Variants in IFI44 observed in about 807,000 individuals in gnomAD.
The protein encoded by IFI44 is interferon-induced protein 44.
In IFI44, 42 loss-of-function variants were observed where a neutral mutation model predicts 45.0. The observed-to-expected ratio is 0.93, with a 90% CI of 0.73 to 1.21. The LOEUF is 1.21. IFI44 is among the 50% of genes most tolerant of loss of function. The pLI is 0.00. For synonymous variants in IFI44, 221 were observed against 188.6 expected (o/e 1.17, Z -1.41); for missense variants, 623 against 525.8 (o/e 1.18, Z -1.81).
intron 5 of IFI44, among the ~76,000 whole-genome samples, chr1:78,656,039 T>C (rs887847948): frequency 2.0e-5 from 3 of 152,150 alleles, no homozygotes; most frequent in Admixed American, 6.5e-5. Flanking sequence ...TCTCTTTCTG[T>C]CATGTGAAGA....
At chr1:78,653,791 C>T (rs1034351097) in intron 2 of IFI44, among the ~76,000 whole-genome samples, 1 of 152,112 alleles carries the variant, frequency 6.6e-6, no homozygotes, top group African/African-American at 2.4e-5. Context: ...AATCTAGTGC[C>T]TGTGTTTTCT....
chr1:78,655,679 C>T (rs189653621), intron 5 of IFI44, among the ~76,000 whole-genome samples, 168 bp downstream of exon 5: 5 of 152,084 alleles, frequency 3.3e-5, no homozygotes, highest in Admixed American at 3.3e-4. Context: ...TCCATCATGG[C>T]TATCTTAACA....
intron 6 of IFI44, 35 bp from the exon 7 acceptor site, chr1:78,660,519 C>G (rs779575639): frequency 2.8e-6 from 4 of 1,431,696 alleles, no homozygotes; most frequent in African/African-American, 2.8e-5. Flanking sequence ...TACTGATGCT[C>G]TCTAAAATGA....
chr1:78,655,465 A>G lies in IFI44; in HGVS notation c.794A>G (p.Asp265Gly), dbSNP rs1179818416. Residue 265 changes from aspartate (D) to glycine (G), a missense_variant, in exon 5 of 9, where the codon GAT becomes GGT. Physicochemically the swap from Asp to Gly is moderately conservative, Grantham distance 94. Transcript: ENST00000370747. Reference protein sequence around the residue: ...LSEKEGGLCRDDIFYILNGNI... With the variant: ...LSEKEGGLCRGDIFYILNGNI... ...GAGAAAGAAGGCGGCCTGTGCAGGG[A>G]TGACATATTCTATATCTTGAACGGT... 1.2e-6 allele frequency: 2 copies of G among 1,613,896 alleles called. No homozygotes were observed. The highest frequency in any genetic ancestry group is 1.7e-6 in the Non-Finnish European group (2 of 1,179,814).
chr1:78,660,987 T>G (rs1427698207), intron 7 of IFI44, among the ~76,000 whole-genome samples: 1 of 152,236 alleles, frequency 6.6e-6, no homozygotes, highest in Admixed American at 6.5e-5. Context: ...AAATGCTTTG[T>G]AAATAGTTGT....
rs113699518 is a variant in IFI44 at position 78,658,175 on chromosome 1, C to G, written c.841-1137C>G. ...ACTCTCTTTTCTATCACTCGTATAT[C>G]TGCTTTCACCCAAACTGAGAATTCT... On this transcript the variant is annotated intron_variant, in intron 5 of 8. Coordinates refer to ENST00000370747, the MANE Select transcript of IFI44 (RefSeq NM_006417.5). Among the ~76,000 whole-genome samples the G allele has an allele frequency of 3.5e-3, 535 of 152,190 alleles. 2 individuals carry two copies. The highest frequency in any genetic ancestry group is 0.012 in the African/African-American group (516 of 41,546).
At position 78,659,433 on chromosome 1, in the gene IFI44, C is replaced by T; in HGVS notation, c.962C>T (p.Ser321Phe). The T allele has an allele frequency of 6.2e-7, 1 of 1,613,546 alleles. No homozygotes were observed. Among genetic ancestry groups the T allele is most frequent in the Non-Finnish European group, 8.5e-7 (1 of 1,179,672 alleles). ...GCCAGCTCTATTCAATACTTCTCCT[C>T]TCAGATGATAGTAAAGATCAAAAGA... ...FDASSIQYFS[S>F]QMIVKIKRIR... Residue 321 changes from serine (S) to phenylalanine (F), a missense_variant, in exon 6 of 9, where the codon TCT (serine) becomes TTT (phenylalanine). Physicochemically the swap from Ser to Phe is radical, Grantham distance 155. Coordinates refer to ENST00000370747, the MANE Select transcript of IFI44 (RefSeq NM_006417.5).
chr1:78,658,831 G>C (rs1252149394), intron 5 of IFI44, among the ~76,000 whole-genome samples: 2 of 152,170 alleles, frequency 1.3e-5, no homozygotes, highest in Non-Finnish European at 2.9e-5. Flanking sequence ...TGTTCCAGCA[G>C]TTAATAATCT....
At chr1:78,654,641 G>C (rs1647179330) in intron 3 of IFI44, among the ~76,000 whole-genome samples, 1 of 151,746 alleles carries the variant, frequency 6.6e-6, no homozygotes, top group South Asian at 2.1e-4. Context: ...GTTAGAAATT[G>C]TCTACTTTCA....
chr1:78,663,790 CT>C lies in IFI44; in HGVS notation c.1315del (p.Cys439ValfsTer22). ...GGAATCTAAGGGAGGAAATTATCAA[CT>C]GTGCACAAGGAAAAAAATAGATATG... ...IGNLREEIIN[C>X]AQGKK On this transcript the variant is annotated frameshift_variant, in exon 9 of 9. Coordinates refer to ENST00000370747, the MANE Select transcript of IFI44 (RefSeq NM_006417.5). LOFTEE classifies it high-confidence loss of function. 6.2e-7 allele frequency: 1 copy of C among 1,612,522 alleles called. No homozygotes were observed. Among genetic ancestry groups the C allele is most frequent in the Non-Finnish European group, 8.5e-7 (1 of 1,179,406 alleles).
chr1:78,650,037 A>G, intron 1 of IFI44, 132 bp downstream of exon 1: 1 of 467,188 alleles, frequency 2.1e-6, no homozygotes, highest in South Asian at 5.9e-5. Context: ...GTAAAAAATT[A>G]GCTAATGATT....
At chr1:78,653,462 G>A (rs1303339188) in intron 2 of IFI44, among the ~76,000 whole-genome samples, 1 of 152,038 alleles carries the variant, frequency 6.6e-6, no homozygotes, top group East Asian at 1.9e-4. Flanking sequence ...GTAATTTATT[G>A]TTTACTTTGT....
At position 78,654,262 on chromosome 1, in the gene IFI44, G is replaced by A. The variant is rs1225017285; in HGVS notation, c.477G>A (p.Lys159=). 2.7e-6 allele frequency: 4 copies of A among 1,493,942 alleles called. No homozygotes were observed. Among genetic ancestry groups the A allele is most frequent in the South Asian group, 1.1e-5 (1 of 87,988 alleles). The allele number at this position is 1,493,942 out of a possible 1,614,324, so 92.5% of individuals were successfully genotyped here. A position where few individuals can be genotyped will look rare whatever the true frequency, so the allele number is the denominator to read the frequency against. ...CCCCAGATTCACTGGATGAAAGAAA[G>A]ATAAAAGGGGTCATTGAGTAAGTCA... is the stretch of plus-strand genomic sequence containing the variant. ...FRCEDSLDER[K]IKGVIELRKS... is the part of the protein sequence containing the mutation. The change falls in exon 3 of 9, where the codon AAG becomes AAA. Residue 159 remains lysine (K), a synonymous_variant. Transcript: ENST00000370747.
In IFI44 at chr1:78,652,551, C is replaced by T. The variant is rs76027559; in HGVS notation, c.458-1692C>T. Among the ~76,000 whole-genome samples, 228 of 152,222 alleles carry T rather than the reference C, an allele frequency of 1.5e-3. 7 individuals carry two copies. In the East Asian group the frequency reaches 0.037, roughly 25 times the overall value. On this transcript the variant is annotated intron_variant, in intron 2 of 8. Coordinates refer to ENST00000370747, the MANE Select transcript of IFI44 (RefSeq NM_006417.5). ...ACTCAGTCAGTTGTCTTCCTTTTTT[C>T]CCTGAGAGTGTTCCCTGGTAAAGTG...
At chr1:78,660,480 A>G in intron 6 of IFI44, 74 bp from the exon 7 acceptor site, 1 of 1,095,382 alleles carries the variant, frequency 9.1e-7, no homozygotes, top group African/African-American at 1.6e-5. Context: ...GTTGCCTATT[A>G]CATAATTGAT....
At chr1:78,655,321 TA>T (rs764866795) in intron 4 of IFI44, 40 bp from the exon 5 acceptor site, 1 of 1,565,716 alleles carries the variant, frequency 6.4e-7, no homozygotes, top group Non-Finnish European at 8.6e-7. Flanking sequence ...CAATTTATAA[TA>T]AAAAATGAAT....
intron 8 of IFI44, chr1:78,663,330 T>A (rs1432546993): frequency 3.0e-6 from 3 of 985,244 alleles, no homozygotes; most frequent in African/African-American, 3.5e-5. Context: ...CTTTCCTTCA[T>A]CTTAGTCCCT....
Position 78,655,408 on chromosome 1 carries a change from C to G in IFI44, c.737C>G (p.Pro246Arg). ...GACGGGAAAGATGGCAAATACCTGCCGTTTATTCTGTGTGACTCACTGGGG... is the reference window on the plus strand; with the variant it reads ...GACGGGAAAGATGGCAAATACCTGCGGTTTATTCTGTGTGACTCACTGGGG... ...IRDGKDGKYLPFILCDSLGLS... is the reference protein window; with the variant it reads ...IRDGKDGKYLRFILCDSLGLS... Residue 246 changes from proline to arginine, a missense_variant, in exon 5 of 9, where the codon CCG (proline) becomes CGG (arginine). Physicochemically the swap from Pro to Arg is moderately radical, Grantham distance 103 (BLOSUM62 -2). Transcript: ENST00000370747. The G allele has an allele frequency of 1.9e-6, 3 of 1,613,628 alleles. No individual in the cohort carries two copies. The highest frequency in any genetic ancestry group is 1.7e-6 in the Non-Finnish European group (2 of 1,179,730).
rs1361000869 is a variant in IFI44 at position 78,660,606 on chromosome 1, A to G, written c.1065A>G (p.Thr355=). 6.2e-7 allele frequency: 1 copy of G among 1,613,664 alleles called. No homozygotes were observed. The highest frequency in any genetic ancestry group is 8.5e-7 in the Non-Finnish European group (1 of 1,179,760). Residue 355 remains threonine (T), a synonymous_variant, in exon 7 of 9, where the codon ACA becomes ACG. Coordinates refer to ENST00000370747, the MANE Select transcript of IFI44 (RefSeq NM_006417.5). ...LTHVDSMDLI[T]KGDLIEIERC... ...ATGTGGATAGCATGGATTTGATTAC[A>G]AAAGGTGACCTTATAGAAATAGAGA...
Sources: allele counts gnomAD v4.1 joint callset (sites outside exome capture counted in the v4.1 genomes callset), GRCh38; gene constraint gnomAD v4.1.1; transcripts MANE v1.5; gene names NCBI Gene and HGNC (gene_info 2026-07-23, HGNC 2026-07-21).